The following PPARGC1A variants were observed in gnomAD, a reference collection of about 807,000 sequenced individuals.
PPARGC1A encodes the protein PPARG coactivator 1 alpha.
Under a neutral mutation model 88.7 loss-of-function variants are expected in PPARGC1A, and 25 were observed. The ratio of observed to expected loss-of-function variants is 0.28; its 90% CI spans 0.21 to 0.39. The LOEUF is 0.39. Ranked by LOEUF, PPARGC1A falls within the 10% of genes least tolerant of loss-of-function variation. The pLI, the probability that PPARGC1A is intolerant of heterozygous loss-of-function variation, is 1.00. For synonymous variants in PPARGC1A, 363 were observed against 355.6 expected, an observed-to-expected ratio of 1.02 and a Z score of -0.24; for missense variants, 880 against 968.7, an observed-to-expected ratio of 0.91 and a Z score of 1.22.
chr4:24,135,583 TAG>T, the PPARGC1A span, among the ~76,000 whole-genome samples: 1 of 152,124 alleles, frequency 6.6e-6, no homozygotes, highest in Non-Finnish European at 1.5e-5. Flanking sequence ...GTAACACTAG[TAG>T]AGTTTGACTC....
At chr4:24,287,751 C>T in the PPARGC1A span, among the ~76,000 whole-genome samples, 197 of 152,030 alleles carry the variant, frequency 1.3e-3, no homozygotes, top group Middle Eastern at 6.8e-3. Flanking sequence ...AAAATGCTAC[C>T]ACTTCCAAAA....
the PPARGC1A span, among the ~76,000 whole-genome samples, chr4:23,938,259 T>C: frequency 6.6e-6 from 1 of 152,144 alleles, no homozygotes; most frequent in Non-Finnish European, 1.5e-5. Context: ...TTGTTACAGG[T>C]AAAGTCTTAA....
chr4:24,321,704 T>C, the PPARGC1A span, among the ~76,000 whole-genome samples: 22 of 152,346 alleles, frequency 1.4e-4, no homozygotes, highest in African/African-American at 5.3e-4. Context: ...ACTGAAATGA[T>C]TTAGTCATAA....
At chr4:24,077,624 GGTGTGTGTGTGTGT>G in the PPARGC1A span, among the ~76,000 whole-genome samples, 3,301 of 130,958 alleles carry the variant, frequency 0.025, 44 homozygotes, top group East Asian at 0.058. Context: ...TGTGTCTAGG[GGTGTGTGTGTGTGT>G]GTGTGTGTGT....
At chr4:24,160,231 G>A in the PPARGC1A span, among the ~76,000 whole-genome samples, 1 of 152,150 alleles carries the variant, frequency 6.6e-6, no homozygotes, top group Non-Finnish European at 1.5e-5. Flanking sequence ...AATATTCATC[G>A]AGAACTTTCT....
chr4:24,468,649 G>A, the PPARGC1A span, among the ~76,000 whole-genome samples: 3 of 152,106 alleles, frequency 2.0e-5, no homozygotes, highest in Admixed American at 6.5e-5. Context: ...TAAAAACCTG[G>A]TCAGTGATGA....
chr4:24,291,503 C>A, the PPARGC1A span, among the ~76,000 whole-genome samples: 221 of 152,312 alleles, frequency 1.5e-3, no homozygotes, highest in African/African-American at 4.9e-3. Flanking sequence ...GAGTAGCACA[C>A]ACAGTCTGCA....
At chr4:24,168,794 TC>T in the PPARGC1A span, among the ~76,000 whole-genome samples, 1 of 152,216 alleles carries the variant, frequency 6.6e-6, no homozygotes, top group South Asian at 2.1e-4. Flanking sequence ...TATCCATGAG[TC>T]CATACTGATA....
chr4:24,094,140 A>G, the PPARGC1A span, among the ~76,000 whole-genome samples: 4 of 152,234 alleles, frequency 2.6e-5, no homozygotes, highest in African/African-American at 9.6e-5. Context: ...ATGCCTTAAC[A>G]CAGAGGCAGA....
At chr4:24,364,874 T>C in the PPARGC1A span, among the ~76,000 whole-genome samples, 1 of 152,144 alleles carries the variant, frequency 6.6e-6, no homozygotes, top group East Asian at 1.9e-4. Context: ...ACTATTACTA[T>C]CATGGTTGAA....
At chr4:23,915,177 A>T in the PPARGC1A span, among the ~76,000 whole-genome samples, 1 of 151,978 alleles carries the variant, frequency 6.6e-6, no homozygotes, top group African/African-American at 2.4e-5. Flanking sequence ...CTTTTTTTTT[A>T]AATGGGATTT....
the PPARGC1A span, among the ~76,000 whole-genome samples, chr4:24,379,926 G>A: frequency 1.3e-5 from 2 of 151,560 alleles, no homozygotes; most frequent in Non-Finnish European, 2.9e-5. Flanking sequence ...TTACAGACGC[G>A]CCCCACCACA....
chr4:23,865,537 C>T (rs1711735231), intron 2 of PPARGC1A, among the ~76,000 whole-genome samples: 1 of 152,134 alleles, frequency 6.6e-6, no homozygotes, highest in African/African-American at 2.4e-5. Flanking sequence ...GTCTGGGACA[C>T]AGTAGGGACT....
chr4:23,921,687 C>T, the PPARGC1A span, among the ~76,000 whole-genome samples: 1 of 152,212 alleles, frequency 6.6e-6, no homozygotes. Flanking sequence ...GGAAAAGGTA[C>T]ATGGAGCCTA....
chr4:23,888,900 G>T, intron 1 of PPARGC1A: 1 of 973,796 alleles, frequency 1.0e-6, no homozygotes, highest in Non-Finnish European at 1.2e-6. Context: ...ATTGTTAGCA[G>T]CTGGGATCCT....
the PPARGC1A span, among the ~76,000 whole-genome samples, chr4:24,254,069 A>G: frequency 4.6e-5 from 7 of 152,200 alleles, no homozygotes; most frequent in Non-Finnish European, 1.0e-4. Context: ...GAGCAAAACC[A>G]TAAGTCTACT....
At chr4:24,013,399 T>A in the PPARGC1A span, among the ~76,000 whole-genome samples, 1 of 152,098 alleles carries the variant, frequency 6.6e-6, no homozygotes, top group East Asian at 1.9e-4. Flanking sequence ...GTGCCCTCCC[T>A]ATTTCCCTAG....
chr4:23,867,809 A>G (rs1407789986), intron 2 of PPARGC1A, among the ~76,000 whole-genome samples: 1 of 152,250 alleles, frequency 6.6e-6, no homozygotes, highest in Non-Finnish European at 1.5e-5. Context: ...AGTATGGCAC[A>G]GTAAACTTGT....
the PPARGC1A span, among the ~76,000 whole-genome samples, chr4:24,150,598 A>G: frequency 6.6e-6 from 1 of 152,284 alleles, no homozygotes; most frequent in African/African-American, 2.4e-5. Context: ...TAATGTTGCT[A>G]GAGCATAACT....
Sources: gnomAD v4.1 joint callset for allele counts (sites outside exome capture counted in the v4.1 genomes callset) on GRCh38, gnomAD v4.1.1 for gene constraint, MANE v1.5 for transcripts, NCBI Gene and HGNC (gene_info 2026-07-23, HGNC 2026-07-21) for gene names.